The following CDH12 variants were observed in gnomAD, a reference collection of about 807,000 sequenced individuals.
CDH12 encodes cadherin 12.
In CDH12, 41 loss-of-function variants were observed where a neutral mutation model predicts 74.1. The ratio of observed to expected loss-of-function variants is 0.55; its 90% CI spans 0.43 to 0.72. The LOEUF (loss-of-function observed/expected upper bound fraction) is 0.72, where lower values mean the gene tolerates loss of function less well. Among genes scored for constraint, CDH12 ranks in the 30% least tolerant of loss-of-function variants. The pLI is 0.00. For synonymous variants in CDH12, 399 were observed against 355.0 expected, an observed-to-expected ratio of 1.12 and a Z score of -1.39; for missense variants, 945 against 977.2, an observed-to-expected ratio of 0.97 and a Z score of 0.44.
chr5:22,695,134 C>A (rs1742294565), intron 1 of CDH12, among the ~76,000 whole-genome samples: 1 of 152,116 alleles, frequency 6.6e-6, no homozygotes, highest in Non-Finnish European at 1.5e-5. Context: ...ATGATGGTTT[C>A]CAGCTTCATC....
intron 1 of CDH12, among the ~76,000 whole-genome samples, chr5:22,564,026 T>C (rs904073321): frequency 1.3e-5 from 2 of 152,196 alleles, no homozygotes; most frequent in African/African-American, 2.4e-5. Flanking sequence ...ATATCGATTA[T>C]ATAAATGAAA....
rs566296818 is a variant in CDH12, at chr5:21,871,606, G to T, written c.527-16816C>A. 3.0e-4 allele frequency among the ~76,000 whole-genome samples: 45 copies of T among 152,120 alleles called. 1 individual carries two copies. Among genetic ancestry groups the T allele is most frequent in the South Asian group, 6.2e-4 (3 of 4,812 alleles). On this transcript the variant is annotated intron_variant, in intron 6 of 14. Transcript: ENST00000382254. ...AAATTAGCTGGGCGTGGTGGCACAC[G>T]CCTGTAATCCCACCTACTCGGGAGG...
At chr5:21,910,905 G>C (rs9687594) in intron 6 of CDH12, among the ~76,000 whole-genome samples, 99,585 of 151,594 alleles carry the variant, frequency 0.66, 36,621 homozygotes, top group East Asian at 0.93. Context: ...AAGGGAGCTA[G>C]AGGACTCAAC....
At chr5:22,198,279 A>G (rs1750732274) in intron 4 of CDH12, among the ~76,000 whole-genome samples, 1 of 151,696 alleles carries the variant, frequency 6.6e-6, no homozygotes, top group Admixed American at 6.6e-5. Context: ...GAATAATGCA[A>G]TAACACTTTT....
chr5:22,847,494 A>T (rs530159304), intron 1 of CDH12, among the ~76,000 whole-genome samples: 1 of 152,332 alleles, frequency 6.6e-6, no homozygotes, highest in Non-Finnish European at 1.5e-5. Context: ...CATTTCATTT[A>T]GTGCTGATGA....
Position 22,489,056 on chromosome 5 carries a change from C to CTTTTT in CDH12, c.-428+16209_-428+16213dup, listed in dbSNP as rs10685463. On this transcript the variant is annotated intron_variant, in intron 2 of 14. Coordinates refer to ENST00000382254, the MANE Select transcript of CDH12 (RefSeq NM_004061.5). ...AGTAATTGCAGTTTTTTGGTACCACCTTTTTTTTTTTTTTTTTTTGAGACA... is the reference window on the plus strand; with the variant it reads ...AGTAATTGCAGTTTTTTGGTACCACCTTTTTTTTTTTTTTTTTTTTTTTTGAGACA... 0.019 allele frequency among the ~76,000 whole-genome samples: 702 copies of CTTTTT among 37,274 alleles called. 245 individuals carry two copies. The East Asian group carries it at 0.23, about 12-fold the overall frequency. The allele number at this position is 37,274 out of a possible 152,430, so 24.5% of individuals were successfully genotyped here. A position where few individuals can be genotyped will look rare whatever the true frequency, so the allele number is the denominator to read the frequency against.
chr5:22,056,802 T>C (rs1008557205), intron 5 of CDH12, among the ~76,000 whole-genome samples: 21 of 152,200 alleles, frequency 1.4e-4, no homozygotes, highest in Non-Finnish European at 2.5e-4. Context: ...GGTTTCCTAC[T>C]TTACAGATGT....
chr5:22,316,140 C>A (rs929822647), intron 3 of CDH12, among the ~76,000 whole-genome samples: 1 of 151,434 alleles, frequency 6.6e-6, no homozygotes, highest in African/African-American at 2.4e-5. Context: ...GAGCCAGAAA[C>A]GAATGACATG....
chr5:22,474,018 T>C (rs1746070186), intron 2 of CDH12, among the ~76,000 whole-genome samples: 1 of 152,164 alleles, frequency 6.6e-6, no homozygotes, highest in Non-Finnish European at 1.5e-5. Context: ...ATGAAATACA[T>C]GATGAAGCAA....
chr5:22,065,597 CTATT>C (rs1255528014), intron 5 of CDH12, among the ~76,000 whole-genome samples: 2 of 152,082 alleles, frequency 1.3e-5, no homozygotes, highest in Non-Finnish European at 2.9e-5. Flanking sequence ...TATTTAATAT[CTATT>C]TATCCACACT....
At chr5:22,722,314 T>C (rs1054815124) in intron 1 of CDH12, among the ~76,000 whole-genome samples, 6 of 152,210 alleles carry the variant, frequency 3.9e-5, no homozygotes, top group Admixed American at 3.9e-4. Context: ...TGTGGTGGTG[T>C]TTTGCTTATT....
At chr5:22,796,353 C>G (rs1164958281) in intron 1 of CDH12, among the ~76,000 whole-genome samples, 1 of 151,986 alleles carries the variant, frequency 6.6e-6, no homozygotes, top group African/African-American at 2.4e-5. Flanking sequence ...CAACATTTAT[C>G]TTGTCTTTTT....
intron 1 of CDH12, among the ~76,000 whole-genome samples, chr5:22,785,504 G>A (rs763335971): frequency 2.6e-5 from 4 of 151,966 alleles, no homozygotes; most frequent in Non-Finnish European, 5.9e-5. Flanking sequence ...GTTATGTTTT[G>A]TTGTTGGTGG....
chr5:21,757,597 T>C (rs1367328558), intron 13 of CDH12, among the ~76,000 whole-genome samples: 1 of 152,188 alleles, frequency 6.6e-6, no homozygotes, highest in African/African-American at 2.4e-5. Context: ...TAATTCATTA[T>C]AAAACAAGGA....
At position 22,541,747 on chromosome 5, in the gene CDH12, T is replaced by A. The variant is rs150226945; in HGVS notation, c.-522-36383A>T. 6.8e-4 allele frequency among the ~76,000 whole-genome samples: 104 copies of A among 152,304 alleles called. 1 individual carries two copies. The highest frequency in any genetic ancestry group is 2.4e-3 in the Admixed American group (36 of 15,296). On this transcript the variant is annotated intron_variant, in intron 1 of 14. Coordinates refer to ENST00000382254, the MANE Select transcript of CDH12 (RefSeq NM_004061.5). ...AGAGATTCAAAGGAGAGACCAAGGA[T>A]CTATACCTTAGAGATGTAACCTTGG...
intron 11 of CDH12, among the ~76,000 whole-genome samples, chr5:21,783,014 C>T (rs1745997560): frequency 6.6e-6 from 1 of 152,062 alleles, no homozygotes; most frequent in South Asian, 2.1e-4. Context: ...ATTATTTCCC[C>T]TCACCTGGCC....
intron 1 of CDH12, among the ~76,000 whole-genome samples, chr5:22,749,161 C>T (rs1417206568): frequency 6.6e-5 from 10 of 152,144 alleles, no homozygotes; most frequent in Non-Finnish European, 1.2e-4. Flanking sequence ...TGAGTTGTAA[C>T]GTGCAAGCAG....
chr5:22,763,490 A>C (rs534831939), intron 1 of CDH12, among the ~76,000 whole-genome samples: 26 of 152,118 alleles, frequency 1.7e-4, no homozygotes, highest in African/African-American at 6.3e-4. Context: ...TAGATGTCTG[A>C]AAGCAAATTC....
chr5:22,696,369 T>TAAAAA (rs1742362375), intron 1 of CDH12, among the ~76,000 whole-genome samples: 1 of 30,458 alleles, frequency 3.3e-5, no homozygotes, highest in African/African-American at 3.1e-4. Flanking sequence ...AGACTCCGTC[T>TAAAAA]CAAAAAAAAA....
Sources: allele counts gnomAD v4.1 joint callset (sites outside exome capture counted in the v4.1 genomes callset), GRCh38; gene constraint gnomAD v4.1.1; transcripts MANE v1.5; gene names NCBI Gene and HGNC (gene_info 2026-07-23, HGNC 2026-07-21).